Variants in NELL1 observed in about 807,000 individuals in gnomAD.
NELL1 encodes neural EGFL like 1.
A neutral mutation model predicts 107.4 loss-of-function variants in NELL1; 76 were observed. The observed-to-expected ratio is 0.71, with a 90% confidence interval of 0.59 to 0.86. NELL1 has a LOEUF of 0.86. Ranked by LOEUF, NELL1 falls within the 40% of genes least tolerant of loss-of-function variation. The pLI is 0.00. For missense variants in NELL1, 1,024 were observed against 1,005.5 expected, an observed-to-expected ratio of 1.02 and a Z score of -0.25; for synonymous variants, 353 against 341.2, an observed-to-expected ratio of 1.03 and a Z score of -0.38.
intron 14 of NELL1, among the ~76,000 whole-genome samples, chr11:21,270,932 A>C (rs532722869): frequency 2.6e-4 from 40 of 152,296 alleles, no homozygotes; most frequent in Non-Finnish European, 5.0e-4. Flanking sequence ...CTATGGGTCA[A>C]AACAGAAATC....
chr11:21,329,720 TC>T (rs1850229960), intron 14 of NELL1, among the ~76,000 whole-genome samples: 1 of 152,136 alleles, frequency 6.6e-6, no homozygotes, highest in African/African-American at 2.4e-5. Flanking sequence ...ACTTTAATGA[TC>T]CTTTTTTACT....
intron 12 of NELL1, among the ~76,000 whole-genome samples, chr11:20,973,585 T>G (rs573409512): frequency 3.1e-4 from 47 of 152,332 alleles, no homozygotes; most frequent in Non-Finnish European, 5.6e-4. Flanking sequence ...ACTTTAGTGC[T>G]CTATGGATTC....
At chr11:20,759,805 C>T (rs1379369557) in intron 2 of NELL1, among the ~76,000 whole-genome samples, 1 of 152,168 alleles carries the variant, frequency 6.6e-6, no homozygotes, top group African/African-American at 2.4e-5. Context: ...CCACTTTGAC[C>T]AGAATCCAGC....
At chr11:20,710,856 G>A (rs1163439564) in intron 2 of NELL1, among the ~76,000 whole-genome samples, 3 of 151,760 alleles carry the variant, frequency 2.0e-5, no homozygotes, top group African/African-American at 7.3e-5. Context: ...GAATTTCTAT[G>A]GTGTCAGTTG....
chr11:20,865,224 G>A (rs143982284), intron 4 of NELL1, among the ~76,000 whole-genome samples: 46 of 152,278 alleles, frequency 3.0e-4, no homozygotes, highest in African/African-American at 1.1e-3. Context: ...CAGGATCCAC[G>A]AAGCTGTTAA....
intron 12 of NELL1, among the ~76,000 whole-genome samples, chr11:21,011,156 T>G (rs1487577542): frequency 6.6e-6 from 1 of 152,122 alleles, no homozygotes; most frequent in East Asian, 1.9e-4. Flanking sequence ...TCCCCTATCT[T>G]TGCTTCCTTA....
chr11:20,781,365 T>C (rs530717773), intron 2 of NELL1, among the ~76,000 whole-genome samples: 3 of 151,938 alleles, frequency 2.0e-5, no homozygotes, highest in Non-Finnish European at 4.4e-5. Context: ...CAATTTGAAA[T>C]GCTTGAAGGT....
chr11:20,814,196 G>T (rs980662207), intron 3 of NELL1, among the ~76,000 whole-genome samples: 44 of 151,970 alleles, frequency 2.9e-4, no homozygotes, highest in African/African-American at 9.9e-4. Context: ...GGGTTTCACC[G>T]TGTTAGCCAG....
intron 15 of NELL1, among the ~76,000 whole-genome samples, chr11:21,508,077 A>C (rs12576179): frequency 0.18 from 26,767 of 152,012 alleles, 2,453 homozygotes; most frequent in East Asian, 0.28. Flanking sequence ...AGCTACCACA[A>C]CTGGCCTGCA....
chr11:21,382,366 A>G lies in NELL1; in HGVS notation c.1645+11418A>G, dbSNP rs1050749853. On this transcript the variant is annotated intron_variant, in intron 15 of 19. Transcript: ENST00000357134. ...CTTAACAACTATTACATTATTGTCT[A>G]TCAAAACTCTGGCATGGGAAAAATC... Among the ~76,000 whole-genome samples, 12 of 152,098 alleles carry G rather than the reference A, an allele frequency of 7.9e-5. No individual in the cohort carries two copies. The South Asian group carries it at 2.3e-3, about 29-fold the overall frequency.
At position 20,947,195 on chromosome 11, in the gene NELL1, T is replaced by C. The variant is rs1366353037; in HGVS notation, c.1072-141T>C. On this transcript the variant is annotated intron_variant, in intron 10 of 19. Transcript: ENST00000357134. Reference sequence around the variant, plus strand: ...GTCTCATTAATTTAATTTGTGGCATTATCGTTTTTAGTGGAATCCCTGGGA... The same window carrying C: ...GTCTCATTAATTTAATTTGTGGCATCATCGTTTTTAGTGGAATCCCTGGGA... 8.3e-6 allele frequency: 5 copies of C among 604,038 alleles called. 1 individual carries two copies. In the East Asian group the frequency reaches 1.1e-4, roughly 13 times the overall value. The allele number at this position is 604,038 out of a possible 1,614,324, so 37.4% of individuals were successfully genotyped here.
chr11:21,412,991 C>T (rs1166492794), intron 15 of NELL1, among the ~76,000 whole-genome samples: 2 of 152,114 alleles, frequency 1.3e-5, no homozygotes, highest in African/African-American at 4.8e-5. Flanking sequence ...GGCACACTCT[C>T]TAGTCTCAAC....
chr11:21,057,397 G>A (rs1298722227), intron 12 of NELL1, among the ~76,000 whole-genome samples: 2 of 151,970 alleles, frequency 1.3e-5, no homozygotes, highest in African/African-American at 4.8e-5. Context: ...AAATTTGTCA[G>A]TTTCATCAAG....
chr11:20,676,677 G>A (rs1854067173), intron 1 of NELL1, among the ~76,000 whole-genome samples: 1 of 152,174 alleles, frequency 6.6e-6, no homozygotes, highest in African/African-American at 2.4e-5. Context: ...GGAAAGAGTA[G>A]ATTTCCTTCT....
chr11:21,045,268 C>T lies in NELL1; in HGVS notation c.1301-68321C>T, dbSNP rs566501238. ...TTAGGTGAGATGGTTGGAGCTAGCA[C>T]AGTTTCTGGTTATGATAAGGCGAGG... On this transcript the variant is annotated intron_variant, in intron 12 of 19. Transcript: ENST00000357134. Among the ~76,000 whole-genome samples, 20 of 152,156 alleles carry T rather than the reference C, an allele frequency of 1.3e-4. No homozygotes were observed. In the South Asian group the frequency reaches 4.2e-3, roughly 32 times the overall value.
At chr11:21,417,501 GTC>G (rs1852547983) in intron 15 of NELL1, among the ~76,000 whole-genome samples, 1 of 151,516 alleles carries the variant, frequency 6.6e-6, no homozygotes, top group African/African-American at 2.4e-5. Context: ...TAGCTTGTTT[GTC>G]TCTCAAACAT....
intron 3 of NELL1, among the ~76,000 whole-genome samples, chr11:20,786,036 T>C (rs1367109876): frequency 6.2e-5 from 1 of 16,248 alleles, no homozygotes; most frequent in Non-Finnish European, 2.2e-4. Flanking sequence ...AACTTCAGAA[T>C]TTTTTTTTTT....
At chr11:21,021,695 G>A (rs558418116) in intron 12 of NELL1, among the ~76,000 whole-genome samples, 20 of 152,098 alleles carry the variant, frequency 1.3e-4, no homozygotes, top group Admixed American at 3.9e-4. Context: ...ATGATTTCAC[G>A]GTGGTGATAG....
intron 15 of NELL1, among the ~76,000 whole-genome samples, chr11:21,533,752 A>G (rs913120285): frequency 6.6e-6 from 1 of 152,200 alleles, no homozygotes; most frequent in Non-Finnish European, 1.5e-5. Context: ...TTTAAAAGAA[A>G]TAGAACGATA....
Sources: gnomAD v4.1 joint callset for allele counts (sites outside exome capture counted in the v4.1 genomes callset) on GRCh38, gnomAD v4.1.1 for gene constraint, MANE v1.5 for transcripts, NCBI Gene and HGNC (gene_info 2026-07-23, HGNC 2026-07-21) for gene names.